ARHGAP44: variants seen among roughly 807,000 people sequenced by gnomAD.
ARHGAP44 encodes Rho GTPase activating protein 44, also known as rho GTPase-activating protein 44.
A neutral mutation model predicts 106.8 loss-of-function variants in ARHGAP44; 43 were observed. The ratio of observed to expected loss-of-function variants is 0.40; its 90% CI spans 0.32 to 0.52. ARHGAP44 has a LOEUF of 0.52. Among genes scored for constraint, ARHGAP44 ranks in the 20% least tolerant of loss-of-function variants. The pLI is 0.48. For missense variants in ARHGAP44, 866 were observed against 1,050.5 expected (o/e 0.82, Z 2.43); for synonymous variants, 439 against 410.3 (o/e 1.07, Z -0.85).
intron 7 of ARHGAP44, 188 bp downstream of exon 7, chr17:12,929,234 G>C (rs2038332798): frequency 2.0e-6 from 1 of 502,430 alleles, no homozygotes; most frequent in African/African-American, 1.9e-5. Flanking sequence ...CTTTGATGGT[G>C]ACCTAGACAG....
Position 12,789,800 on chromosome 17 carries a change from C to G in ARHGAP44, c.-39C>G. On this transcript the variant is annotated 5_prime_UTR_variant, in exon 1 of 21. Coordinates refer to ENST00000379672, the MANE Select transcript of ARHGAP44 (RefSeq NM_014859.6). The stretch of plus-strand genomic sequence containing the variant: ...GCGGCGGGCTCCGGGCTGCTCCGTC[C>G]TTCCCCAGCTCCCGGGCTAGCGCGG... 1 of 1,490,150 alleles carries G rather than the reference C, an allele frequency of 6.7e-7. No individual in the cohort carries two copies. Among genetic ancestry groups the G allele is most frequent in the Non-Finnish European group, 8.9e-7 (1 of 1,121,086 alleles). The allele number at this position is 1,490,150 out of a possible 1,614,324, so 92.3% of individuals were successfully genotyped here.
At chr17:12,908,047 C>G (rs1360140485) in intron 3 of ARHGAP44, among the ~76,000 whole-genome samples, 4 of 152,030 alleles carry the variant, frequency 2.6e-5, no homozygotes, top group Admixed American at 6.6e-5. Context: ...TTCCTAATGA[C>G]TAATGAGGTT....
chr17:12,928,938 G>T lies in ARHGAP44; in HGVS notation c.474G>T (p.Gln158His). 1 of 1,611,842 alleles carries T rather than the reference G, an allele frequency of 6.2e-7. No individual in the cohort carries two copies. The highest frequency in any genetic ancestry group is 1.1e-5 in the South Asian group (1 of 90,240). ...TCCTATTTTCCATCAGGTGGCAGCAGACTTCCAAGTCTTCAGGTTTGTCCA... is the reference window on the plus strand; with the variant it reads ...TCCTATTTTCCATCAGGTGGCAGCATACTTCCAAGTCTTCAGGTTTGTCCA... ...DMDSSRTRWQ[Q>H]TSKSSGLSSS... is the part of the protein sequence containing the mutation. The change falls in exon 7 of 21, where the codon CAG (glutamine) becomes CAT (histidine). Residue 158 changes from glutamine to histidine, a missense_variant. By Grantham distance (24) the Gln-to-His change is conservative. This residue lies in a region of ARHGAP44 where 448 missense variants were observed against 646.9 expected (regional missense o/e 0.69). Transcript: ENST00000379672.
At chr17:12,868,110 C>T (rs1188522299) in intron 1 of ARHGAP44, among the ~76,000 whole-genome samples, 1 of 152,160 alleles carries the variant, frequency 6.6e-6, no homozygotes, top group African/African-American at 2.4e-5. Flanking sequence ...AGACTCTTTC[C>T]TCCTATTTCT....
chr17:12,890,478 G>GCACTGGAATGCAGGAA (rs1356960532), intron 1 of ARHGAP44, among the ~76,000 whole-genome samples: 1 of 152,174 alleles, frequency 6.6e-6, no homozygotes, highest in African/African-American at 2.4e-5. Context: ...AAGGAGCTCT[G>GCACTGGAATGCAGGAA]CACTGGAATG....
chr17:12,802,827 C>T (rs1194390244), intron 1 of ARHGAP44, among the ~76,000 whole-genome samples: 8 of 128,778 alleles, frequency 6.2e-5, no homozygotes, highest in Middle Eastern at 4.7e-3. Context: ...GGCGTGAGCT[C>T]GGTCCACTGC....
chr17:12,985,042 AGCTCATAAGATCTCCT>A, intron 20 of ARHGAP44, 134 bp downstream of exon 20: 4 of 1,160,264 alleles, frequency 3.4e-6, no homozygotes, highest in Non-Finnish European at 4.7e-6. Flanking sequence ...CACCAGGGGT[AGCTCATAAGATCTCCT>A]TAGAAGCCCA....
At chr17:12,981,677 C>T (rs536005224) in intron 19 of ARHGAP44, among the ~76,000 whole-genome samples, 8 of 151,758 alleles carry the variant, frequency 5.3e-5, no homozygotes, top group Admixed American at 1.3e-4. Flanking sequence ...GGATTACAGG[C>T]GTGAGCCACT....
rs568720291 is a variant in ARHGAP44 at position 12,810,776 on chromosome 17, T to G, written c.53+20885T>G. ...TCTATGTATCTCTTTCACTTGGTTG[T>G]TTCTCACTTGTATCATATACAGTTG... On this transcript the variant is annotated intron_variant, in intron 1 of 20. Coordinates refer to ENST00000379672, the MANE Select transcript of ARHGAP44 (RefSeq NM_014859.6). 2.0e-5 allele frequency among the ~76,000 whole-genome samples: 3 copies of G among 152,276 alleles called. No homozygotes were observed. The South Asian group carries it at 6.2e-4, about 32-fold the overall frequency.
rs1013208101 is a variant in ARHGAP44, at chr17:12,908,768, A to G, written c.199-129A>G. The G allele has an allele frequency of 1.3e-5, 9 of 705,284 alleles. No individual in the cohort carries two copies. The African/African-American group carries it at 1.3e-4, about 10-fold the overall frequency. The allele number at this position is 705,284 out of a possible 1,614,324, so 43.7% of individuals were successfully genotyped here. A position where few individuals can be genotyped will look rare whatever the true frequency, so the allele number is the denominator to read the frequency against. On this transcript the variant is annotated intron_variant, in intron 3 of 20. Coordinates refer to ENST00000379672, the MANE Select transcript of ARHGAP44 (RefSeq NM_014859.6). ...GTGCACTATGAATTTCTATGTTTAA[A>G]CCTATTTTAAAGTTAGCTTGTTTCA...
intron 3 of ARHGAP44, among the ~76,000 whole-genome samples, chr17:12,908,319 C>A (rs1456537088): frequency 6.6e-6 from 1 of 151,524 alleles, no homozygotes; most frequent in Non-Finnish European, 1.5e-5. Context: ...GCCTCAGCCT[C>A]CCAAGTAGCT....
intron 6 of ARHGAP44, among the ~76,000 whole-genome samples, chr17:12,926,519 T>C (rs969255761): frequency 5.5e-5 from 8 of 145,354 alleles, no homozygotes; most frequent in African/African-American, 1.2e-4. Flanking sequence ...TATATATGCA[T>C]ATATATTATA....
chr17:12,957,498 A>G (rs1057158780), intron 15 of ARHGAP44, among the ~76,000 whole-genome samples: 2 of 152,166 alleles, frequency 1.3e-5, no homozygotes, highest in African/African-American at 4.8e-5. Context: ...GATCACCTGG[A>G]TGCCTTACAG....
At chr17:12,906,794 GC>G (rs1428971544) in intron 3 of ARHGAP44, among the ~76,000 whole-genome samples, 1 of 152,058 alleles carries the variant, frequency 6.6e-6, no homozygotes, top group Non-Finnish European at 1.5e-5. Context: ...AATAAAATTA[GC>G]CAGGCATGGG....
At position 12,896,626 on chromosome 17, in the gene ARHGAP44, T is replaced by C. The variant is rs957319408; in HGVS notation, c.198+115T>C. On this transcript the variant is annotated intron_variant, in intron 3 of 20. Coordinates refer to ENST00000379672, the MANE Select transcript of ARHGAP44 (RefSeq NM_014859.6). ...ATGTAGCTGCTTACGTGCCTGAGAA[T>C]TGACTCAGCAGCTCTAGCTGCCTAT... 81 of 870,206 alleles carry C rather than the reference T, an allele frequency of 9.3e-5. No homozygotes were observed. In the African/African-American group the frequency reaches 1.3e-3, roughly 14 times the overall value. The allele number at this position is 870,206 out of a possible 1,614,324, so 53.9% of individuals were successfully genotyped here. A position where few individuals can be genotyped will look rare whatever the true frequency, so the allele number is the denominator to read the frequency against.
At chr17:12,890,560 C>T (rs2037013811) in intron 1 of ARHGAP44, among the ~76,000 whole-genome samples, 1 of 152,162 alleles carries the variant, frequency 6.6e-6, no homozygotes, top group African/African-American at 2.4e-5. Flanking sequence ...CCATTCTCCC[C>T]TCCTAGAGCT....
chr17:12,873,913 AT>A (rs1457522724), intron 1 of ARHGAP44, among the ~76,000 whole-genome samples: 87 of 15,150 alleles, frequency 5.7e-3, no homozygotes, highest in African/African-American at 6.8e-3. Context: ...CAAAAAATAA[AT>A]AAATAAATAA....
intron 18 of ARHGAP44, among the ~76,000 whole-genome samples, chr17:12,978,781 C>T (rs765519099): frequency 1.1e-4 from 16 of 151,532 alleles, no homozygotes; most frequent in East Asian, 3.9e-4. Flanking sequence ...CTCCATCTCC[C>T]GGGTTCAAGC....
chr17:12,796,372 A>G (rs1271869091), intron 1 of ARHGAP44, among the ~76,000 whole-genome samples: 5 of 152,204 alleles, frequency 3.3e-5, no homozygotes, highest in Admixed American at 3.3e-4. Flanking sequence ...TTAGCTTCTT[A>G]GGATGAAGTC....
Sources: allele counts gnomAD v4.1 joint callset (sites outside exome capture counted in the v4.1 genomes callset), GRCh38; gene constraint gnomAD v4.1.1; regional missense constraint gnomAD v4.1.1; transcripts MANE v1.5; gene names NCBI Gene and HGNC (gene_info 2026-07-23, HGNC 2026-07-21).